Variants in CRPPA observed in about 807,000 individuals in gnomAD.
CRPPA encodes CDP-L-ribitol pyrophosphorylase A.
Under a neutral mutation model 52.0 loss-of-function variants are expected in CRPPA, and 43 were observed. The observed-to-expected ratio is 0.83, with a 90% CI of 0.65 to 1.07. The LOEUF is 1.07. Ranked by LOEUF, CRPPA falls within the 50% of genes least tolerant of loss-of-function variation. The probability of loss-of-function intolerance (pLI) is 0.00; values close to 1 mark genes in which losing one functional copy is unlikely to be tolerated. For missense variants in CRPPA, 629 were observed against 551.7 expected, an observed-to-expected ratio of 1.14 and a Z score of -1.40; for synonymous variants, 250 against 203.5, an observed-to-expected ratio of 1.23 and a Z score of -1.94.
intron 3 of CRPPA, among the ~76,000 whole-genome samples, chr7:16,343,199 A>G (rs1256255035): frequency 6.6e-6 from 1 of 152,092 alleles, no homozygotes; most frequent in Admixed American, 6.5e-5. Flanking sequence ...AATGATCAAA[A>G]TCATTTTTTT....
chr7:16,123,351 T>C (rs1456839337), intron 9 of CRPPA, among the ~76,000 whole-genome samples: 1 of 152,034 alleles, frequency 6.6e-6, no homozygotes, highest in African/African-American at 2.4e-5. Context: ...AGAAGAGGAA[T>C]ATCAAATATA....
intron 9 of CRPPA, among the ~76,000 whole-genome samples, chr7:16,150,390 T>C (rs560245717): frequency 1.3e-5 from 2 of 152,164 alleles, no homozygotes; most frequent in Non-Finnish European, 2.9e-5. Flanking sequence ...CGAACAGCTA[T>C]GCATTGGAAG....
intron 9 of CRPPA, among the ~76,000 whole-genome samples, chr7:16,137,975 T>C (rs1490817273): frequency 6.6e-6 from 1 of 152,132 alleles, no homozygotes; most frequent in African/African-American, 2.4e-5. Flanking sequence ...TAAGAAAATG[T>C]CCTATAGGAA....
intron 1 of CRPPA, among the ~76,000 whole-genome samples, chr7:16,410,861 C>T (rs1357143198): frequency 6.6e-6 from 1 of 152,192 alleles, no homozygotes; most frequent in Non-Finnish European, 1.5e-5. Context: ...CTTTCATACT[C>T]ATCAGTTCTG....
intron 1 of CRPPA, among the ~76,000 whole-genome samples, chr7:16,419,058 T>G (rs1297626612): frequency 6.6e-6 from 1 of 152,190 alleles, no homozygotes; most frequent in African/African-American, 2.4e-5. Flanking sequence ...CACTGGAATA[T>G]TATAGGTAAG....
intron 1 of CRPPA, among the ~76,000 whole-genome samples, chr7:16,414,869 T>C (rs1209149923): frequency 2.0e-5 from 3 of 152,216 alleles, no homozygotes. Flanking sequence ...TTCCTAGTAA[T>C]AGCCATATGC....
At chr7:16,368,857 T>C (rs899232415) in intron 3 of CRPPA, among the ~76,000 whole-genome samples, 1 of 152,226 alleles carries the variant, frequency 6.6e-6, no homozygotes, top group South Asian at 2.1e-4. Flanking sequence ...GATGAATTTC[T>C]TAGAGATTTA....
At chr7:16,289,630 T>C (rs966736643) in intron 5 of CRPPA, among the ~76,000 whole-genome samples, 6 of 152,150 alleles carry the variant, frequency 3.9e-5, no homozygotes, top group African/African-American at 1.4e-4. Flanking sequence ...AAATTCAGCA[T>C]TCCTTTTTCA....
At chr7:16,112,421 G>A (rs1782285111) in intron 9 of CRPPA, among the ~76,000 whole-genome samples, 1 of 151,936 alleles carries the variant, frequency 6.6e-6, no homozygotes, top group Non-Finnish European at 1.5e-5. Flanking sequence ...TATCATTTGG[G>A]TGCCTTACAA....
At chr7:16,180,991 AT>A (rs1781402263) in intron 9 of CRPPA, among the ~76,000 whole-genome samples, 1 of 151,994 alleles carries the variant, frequency 6.6e-6, no homozygotes, top group Non-Finnish European at 1.5e-5. Context: ...AACAGATGTG[AT>A]ATACATGATT....
intron 9 of CRPPA, among the ~76,000 whole-genome samples, chr7:16,111,815 A>G (rs1782270099): frequency 6.6e-6 from 1 of 152,152 alleles, no homozygotes. Context: ...CACGAGAAAT[A>G]TGTTTTCCTT....
At chr7:16,304,883 T>G (rs1784874333) in intron 4 of CRPPA, among the ~76,000 whole-genome samples, 1 of 152,190 alleles carries the variant, frequency 6.6e-6, no homozygotes, top group African/African-American at 2.4e-5. Flanking sequence ...ATGCCTCAAT[T>G]ATGTCCAAAT....
rs906625291 is a variant in CRPPA, at chr7:16,400,732, C to T, written c.534+5329G>A. On this transcript the variant is annotated intron_variant, in intron 2 of 9. Coordinates refer to ENST00000407010, the MANE Select transcript of CRPPA (RefSeq NM_001101426.4). ...TTACACGTTTGTGACACGTGACCAA[C>T]ACCTGTGACGTGGCACATGACCAAT... 2.6e-5 allele frequency among the ~76,000 whole-genome samples: 4 copies of T among 152,346 alleles called. No individual in the cohort carries two copies. The East Asian group carries it at 7.7e-4, about 29-fold the overall frequency.
chr7:16,175,819 G>A (rs1202362212), intron 9 of CRPPA, among the ~76,000 whole-genome samples: 1 of 152,086 alleles, frequency 6.6e-6, no homozygotes, highest in Non-Finnish European at 1.5e-5. Flanking sequence ...AGATTATTAT[G>A]GAATGCAGAG....
At chr7:16,254,800 A>AGAAAGAAAGAAAGAAG (rs1562588628) in intron 8 of CRPPA, among the ~76,000 whole-genome samples, 8 of 80,222 alleles carry the variant, frequency 1.0e-4, no homozygotes, top group African/African-American at 2.5e-4. Flanking sequence ...AAGGAAAGAA[A>AGAAAGAAAGAAAGAAG]GAAAGAAAGA....
intron 9 of CRPPA, among the ~76,000 whole-genome samples, chr7:16,143,656 T>C (rs1054413877): frequency 6.6e-6 from 1 of 152,160 alleles, no homozygotes; most frequent in Non-Finnish European, 1.5e-5. Flanking sequence ...AGCACTAGTG[T>C]ACCAAGTATC....
chr7:16,360,790 T>C lies in CRPPA; in HGVS notation c.684+15302A>G, dbSNP rs893943660. On this transcript the variant is annotated intron_variant, in intron 3 of 9. Coordinates refer to ENST00000407010, the MANE Select transcript of CRPPA (RefSeq NM_001101426.4). The stretch of plus-strand genomic sequence containing the variant: ...ATTATAGAAATCTTAGAAGACAACA[T>C]TGGGGCAAAATCTTCATGACTAACC... Among the ~76,000 whole-genome samples the C allele has an allele frequency of 5.3e-5, 8 of 152,130 alleles. No homozygotes were observed. The South Asian group carries it at 6.2e-4, about 12-fold the overall frequency.
intron 9 of CRPPA, among the ~76,000 whole-genome samples, chr7:16,108,244 T>G (rs1782195095): frequency 6.6e-6 from 1 of 151,976 alleles, no homozygotes; most frequent in African/African-American, 2.4e-5. Flanking sequence ...ACTTCACTTT[T>G]AATGACATAC....
chr7:16,381,678 T>C (rs1353255048), intron 2 of CRPPA, among the ~76,000 whole-genome samples: 6 of 151,962 alleles, frequency 3.9e-5, no homozygotes, highest in Non-Finnish European at 8.8e-5. Context: ...GGTGCTCCTG[T>C]ATTGGGTGCA....
Sources: gnomAD v4.1 joint callset for allele counts (sites outside exome capture counted in the v4.1 genomes callset) on GRCh38, gnomAD v4.1.1 for gene constraint, MANE v1.5 for transcripts, NCBI Gene and HGNC (gene_info 2026-07-23, HGNC 2026-07-21) for gene names.